SIK3: variants seen among roughly 807,000 people sequenced by gnomAD.
The protein encoded by SIK3 is serine/threonine-protein kinase SIK3.
A neutral mutation model predicts 144.2 loss-of-function variants in SIK3; 28 were observed. The ratio of observed to expected loss-of-function variants is 0.19; its 90% confidence interval spans 0.14 to 0.27. The LOEUF is 0.27. Among genes scored for constraint, SIK3 ranks in the 10% least tolerant of loss-of-function variants. SIK3 has a pLI of 1.00. For synonymous variants in SIK3, 686 were observed against 676.3 expected (o/e 1.01, Z -0.22); for missense variants, 1,319 against 1,776.0 (o/e 0.74, Z 4.62).
At chr11:116,932,550 A>G (rs555453786) in intron 3 of SIK3, among the ~76,000 whole-genome samples, 46 of 152,318 alleles carry the variant, frequency 3.0e-4, no homozygotes, top group African/African-American at 1.1e-3. Flanking sequence ...ATATGCCTGC[A>G]TGTGTAAACG....
intron 1 of SIK3, among the ~76,000 whole-genome samples, chr11:117,001,649 T>C (rs910358971): frequency 6.6e-6 from 1 of 152,070 alleles, no homozygotes; most frequent in Non-Finnish European, 1.5e-5. Context: ...ACCACTGAAC[T>C]CCAGCCCGGG....
intron 1 of SIK3, among the ~76,000 whole-genome samples, chr11:116,970,591 C>T (rs1949732796): frequency 6.6e-6 from 1 of 152,142 alleles, no homozygotes; most frequent in Admixed American, 6.5e-5. Flanking sequence ...CTCAAGCAAT[C>T]CTCCTGCCTC....
At chr11:117,036,922 A>G (rs982149993) in intron 1 of SIK3, among the ~76,000 whole-genome samples, 1 of 152,236 alleles carries the variant, frequency 6.6e-6, no homozygotes, top group Non-Finnish European at 1.5e-5. Context: ...GAATGGGTAC[A>G]ACAAAATTTA....
Position 116,875,450 on chromosome 11 carries a change from G to A in SIK3, c.1241C>T (p.Ala414Val), listed in dbSNP as rs770464219. 17 of 1,613,858 alleles carry A rather than the reference G, an allele frequency of 1.1e-5. No individual in the cohort carries two copies. The highest frequency in any genetic ancestry group is 4.5e-5 in the East Asian group (2 of 44,902). The change falls in exon 10 of 25, where the codon GCG (alanine) becomes GTG (valine). Residue 414 changes from alanine to valine, a missense_variant and splice_region_variant. By Grantham distance (64) the Ala-to-Val change is moderately conservative (BLOSUM62 0). Around this residue, in one of 8 missense-constraint regions of SIK3, gnomAD observed 109 missense variants for 109.3 expected, o/e 1.00. Transcript: ENST00000445177. ...GTTCATAGCAGTACCTGCCTGCTCC[G>A]CCTGGAAAGCAGTACATACATATAC... Reference protein sequence around the residue: ...LAFQAPVNIQAEQAGTAMNIS... With the variant: ...LAFQAPVNIQVEQAGTAMNIS...
intron 1 of SIK3, among the ~76,000 whole-genome samples, chr11:117,064,605 A>G (rs942321663): frequency 1.3e-5 from 2 of 152,150 alleles, no homozygotes; most frequent in Non-Finnish European, 2.9e-5. Context: ...ATAATTCTCC[A>G]CTGCTGCCTA....
chr11:116,950,214 G>A, intron 3 of SIK3: 1 of 463,542 alleles, frequency 2.2e-6, no homozygotes, highest in Middle Eastern at 3.3e-4. Flanking sequence ...CTCAGCAATA[G>A]GCAGCTCGGG....
At chr11:116,963,296 TC>T (rs1234673464) in intron 1 of SIK3, among the ~76,000 whole-genome samples, 1 of 152,222 alleles carries the variant, frequency 6.6e-6, no homozygotes, top group African/African-American at 2.4e-5. Flanking sequence ...AGACAGCAGT[TC>T]CCAAACTGTT....
intron 4 of SIK3, among the ~76,000 whole-genome samples, chr11:116,897,657 G>A (rs533089194): frequency 1.6e-4 from 25 of 152,286 alleles, no homozygotes; most frequent in African/African-American, 4.3e-4. Context: ...TTGTGAGGCC[G>A]AGGTGGGCGG....
chr11:116,858,833 G>A lies in SIK3; in HGVS notation c.2766-134C>T, dbSNP rs1943144588. 1 of 1,318,074 alleles carries A rather than the reference G, an allele frequency of 7.6e-7. No individual in the cohort carries two copies. The highest frequency in any genetic ancestry group is 1.0e-6 in the Non-Finnish European group (1 of 985,396). 81.6% of individuals were successfully genotyped at this position (1,318,074 alleles called of 1,614,324 possible). A position where few individuals can be genotyped will look rare whatever the true frequency, so the allele number is the denominator to read the frequency against. On this transcript the variant is annotated intron_variant, in intron 20 of 24. Transcript: ENST00000445177. This position sits in a 1 kb window ranked among gnomAD's most constrained non-coding sequence, Gnocchi z 5.4. The stretch of plus-strand genomic sequence containing the variant: ...TGTGACAGAGAAGTGGCAGATGTAT[G>A]CATTGTCCCTATTTATTCCATTACT...
At chr11:117,055,591 T>C (rs1053764909) in intron 1 of SIK3, among the ~76,000 whole-genome samples, 4 of 152,136 alleles carry the variant, frequency 2.6e-5, no homozygotes, top group Admixed American at 1.3e-4. Context: ...CAGAAGAATA[T>C]AATCGCTTAA....
At chr11:116,862,651 C>G (rs1050510961) in intron 16 of SIK3, among the ~76,000 whole-genome samples, 1 of 152,178 alleles carries the variant, frequency 6.6e-6, no homozygotes, top group Non-Finnish European at 1.5e-5. Context: ...TTTATAGAAT[C>G]TTTATAGTAC....
chr11:116,847,003 C>T (rs1011408645), intron 23 of SIK3, among the ~76,000 whole-genome samples: 8 of 152,192 alleles, frequency 5.3e-5, no homozygotes, highest in African/African-American at 1.2e-4. Flanking sequence ...AAGGCTCTAT[C>T]GTTTTTGCCA....
At chr11:116,951,312 C>T (rs1276343882) in intron 3 of SIK3, among the ~76,000 whole-genome samples, 2 of 152,050 alleles carry the variant, frequency 1.3e-5, no homozygotes, top group African/African-American at 4.8e-5. Flanking sequence ...CAGTTCTATC[C>T]CTGTGCAGTC....
chr11:117,029,283 G>A (rs1362242382), intron 1 of SIK3, among the ~76,000 whole-genome samples: 2 of 151,820 alleles, frequency 1.3e-5, no homozygotes, highest in Non-Finnish European at 2.9e-5. Flanking sequence ...TGGGCAACAT[G>A]GTGAAACCCT....
In SIK3 at chr11:117,098,359, T is replaced by TC; in HGVS notation, c.56dup (p.Ala20SerfsTer80). The TC allele has an allele frequency of 8.7e-7, 1 of 1,151,446 alleles. No individual in the cohort carries two copies. Among genetic ancestry groups the TC allele is most frequent in the Non-Finnish European group, 1.1e-6 (1 of 941,252 alleles). The allele number at this position is 1,151,446 out of a possible 1,614,324, so 71.3% of individuals were successfully genotyped here. A position where few individuals can be genotyped will look rare whatever the true frequency, so the allele number is the denominator to read the frequency against. On this transcript the variant is annotated frameshift_variant, in exon 1 of 25. Transcript: ENST00000445177. LOFTEE classifies it high-confidence loss of function. ...GCAGCAGGCGGCCCGCGGGCCCGGC[T>TC]CCCCCAGTCCCGGCCCCGGCAGCCC...
intron 2 of SIK3, among the ~76,000 whole-genome samples, chr11:116,956,630 AC>A (rs1291754342): frequency 6.6e-6 from 1 of 152,138 alleles, no homozygotes; most frequent in Non-Finnish European, 1.5e-5. Context: ...CTGTGTTAGA[AC>A]TCTGAACTAA....
In SIK3 at chr11:116,967,003, C is replaced by CAAAAA. The variant is rs780692335; in HGVS notation, c.274-9944_274-9940dup. On this transcript the variant is annotated intron_variant, in intron 1 of 24. Coordinates refer to ENST00000445177, the MANE Select transcript of SIK3 (RefSeq NM_001366686.3). ...CTGGTGACAGAGCAAGACTCTGTTTCAAAAAAAAAAAGAAAAAGAAAAAGA... is the reference window on the plus strand; with the variant it reads ...CTGGTGACAGAGCAAGACTCTGTTTCAAAAAAAAAAAAAAAAGAAAAAGAAAAAGA... Among the ~76,000 whole-genome samples, 159 of 100,034 alleles carry CAAAAA rather than the reference C, an allele frequency of 1.6e-3. 1 individual carries two copies. The highest frequency in any genetic ancestry group is 6.9e-3 in the African/African-American group (142 of 20,628). 65.6% of individuals were successfully genotyped at this position (100,034 alleles called of 152,430 possible).
At chr11:116,856,623 T>C (rs1371407762) in intron 21 of SIK3, among the ~76,000 whole-genome samples, 6 of 152,302 alleles carry the variant, frequency 3.9e-5, no homozygotes, top group African/African-American at 1.4e-4. Context: ...ACACAGTACA[T>C]CTCACTGGAG....
rs1199826800 is a variant in SIK3, at chr11:116,846,192, C to T, written c.*13+191G>A. Among the ~76,000 whole-genome samples the T allele has an allele frequency of 6.6e-6, 1 of 152,194 alleles. No individual in the cohort carries two copies. The highest frequency in any genetic ancestry group is 1.5e-5 in the Non-Finnish European group (1 of 68,048). On this transcript the variant is annotated intron_variant, in intron 24 of 24. Coordinates refer to ENST00000445177, the MANE Select transcript of SIK3 (RefSeq NM_001366686.3). The surrounding 1 kb of genome is among the most constrained non-coding windows in gnomAD (Gnocchi z 4.1). ...TGTTTAGCATTTCTTCTGCACACCCCCACCCCTACCTCGCGCCCTAAAACT... is the reference window on the plus strand; with the variant it reads ...TGTTTAGCATTTCTTCTGCACACCCTCACCCCTACCTCGCGCCCTAAAACT...
Sources: allele counts gnomAD v4.1 joint callset (sites outside exome capture counted in the v4.1 genomes callset), GRCh38; gene constraint gnomAD v4.1.1; regional missense constraint gnomAD v4.1.1; non-coding constraint Gnocchi (gnomAD v3.1); transcripts MANE v1.5; gene names NCBI Gene and HGNC (gene_info 2026-07-23, HGNC 2026-07-21).